The following POLR1E variants were observed in gnomAD, a reference collection of about 807,000 sequenced individuals.
POLR1E encodes DNA-directed RNA polymerase I subunit RPA49.
A neutral mutation model predicts 50.9 loss-of-function variants in POLR1E; 37 were observed. The observed-to-expected ratio is 0.73, with a 90% confidence interval of 0.56 to 0.96. The LOEUF (loss-of-function observed/expected upper bound fraction) is 0.96. Ranked by LOEUF, POLR1E falls within the 40% of genes least tolerant of loss-of-function variation. The pLI, the probability that POLR1E is intolerant of heterozygous loss-of-function variation, is 0.00. For synonymous variants in POLR1E, 166 were observed against 191.6 expected, an observed-to-expected ratio of 0.87 and a Z score of 1.10; for missense variants, 426 against 518.1, an observed-to-expected ratio of 0.82 and a Z score of 1.73.
intron 7 of POLR1E, 103 bp from the exon 8 acceptor site, chr9:37,495,787 C>G: frequency 1.2e-6 from 1 of 817,858 alleles, no homozygotes; most frequent in Non-Finnish European, 2.1e-6. Context: ...ATCTTTGGCT[C>G]TCTGAGCCTG....
At chr9:37,494,058 AATGAGCCTCCAGAGGTGGC>A (rs1250922045) in intron 6 of POLR1E, among the ~76,000 whole-genome samples, 1 of 152,212 alleles carries the variant, frequency 6.6e-6, no homozygotes, top group Non-Finnish European at 1.5e-5. Context: ...TGTTGATGGA[AATGAGCCTCCAGAGGTGGC>A]ATTTCACTTT....
At chr9:37,487,963 G>A (rs1820608887) in intron 3 of POLR1E, 24 bp downstream of exon 3, 19 of 1,611,686 alleles carry the variant, frequency 1.2e-5, no homozygotes, top group Non-Finnish European at 1.5e-5. Context: ...AAGGGACAGT[G>A]GGAAGGGTGA....
chr9:37,492,512 A>G, intron 4 of POLR1E, 145 bp from the exon 5 acceptor site: 1 of 845,132 alleles, frequency 1.2e-6, no homozygotes. Context: ...AAATATTCAC[A>G]GTATACACTC....
intron 6 of POLR1E, among the ~76,000 whole-genome samples, chr9:37,494,953 A>G (rs560603697): frequency 1.3e-5 from 2 of 152,248 alleles, no homozygotes; most frequent in East Asian, 1.9e-4. Context: ...GAATCTTGTC[A>G]CCTCCACCTT....
rs1183972896 is a variant in POLR1E at position 37,493,677 on chromosome 9, C to CTATCATTGATAGTCTTCG, written c.532_533insGTCTTCGTATCATTGATA (p.Asp177_Thr178insSerLeuArgIleIleAsp). On this transcript the variant is annotated inframe_insertion, in exon 6 of 12. Transcript: ENST00000377798. ...CGTGCAGTGGCTAAAGCTGCAGAGA[C>CTATCATTGATAGTCTTCG]TATCATTGATACGAAGGGTGTGACT... 6.3e-7 allele frequency: 1 copy of CTATCATTGATAGTCTTCG among 1,590,034 alleles called. No homozygotes were observed. Among genetic ancestry groups the CTATCATTGATAGTCTTCG allele is most frequent in the Admixed American group, 1.7e-5 (1 of 57,996 alleles).
chr9:37,501,006 T>C (rs1820878599), intron 10 of POLR1E, 85 bp downstream of exon 10: 1 of 1,313,468 alleles, frequency 7.6e-7, no homozygotes, highest in Admixed American at 1.9e-5. Flanking sequence ...TGGACTCAAT[T>C]CCATGTCCAC....
At chr9:37,501,455 G>A (rs898869281) in intron 10 of POLR1E, among the ~76,000 whole-genome samples, 9 of 152,208 alleles carry the variant, frequency 5.9e-5, no homozygotes, top group African/African-American at 9.7e-5. Flanking sequence ...AGCTCAAAGC[G>A]CTAGCAGTGC....
intron 9 of POLR1E, among the ~76,000 whole-genome samples, 153 bp downstream of exon 9, chr9:37,498,377 G>C (rs528202850): frequency 6.6e-6 from 1 of 152,086 alleles, no homozygotes; most frequent in Non-Finnish European, 1.5e-5. Context: ...CTGACATGTC[G>C]AGGGGACTTG....
intron 8 of POLR1E, 23 bp downstream of exon 8, chr9:37,496,009 G>C: frequency 6.3e-7 from 1 of 1,578,724 alleles, no homozygotes; most frequent in East Asian, 2.2e-5. Context: ...AAGCAGATGG[G>C]GATTCTGGGG....
intron 5 of POLR1E, 127 bp downstream of exon 5, chr9:37,492,842 G>A (rs565727930): frequency 1.0e-5 from 8 of 800,232 alleles, no homozygotes; most frequent in South Asian, 6.2e-5. Context: ...CATTCAGTCT[G>A]TTTCTCTGGA....
chr9:37,500,883 G>A lies in POLR1E; in HGVS notation c.930G>A (p.Leu310=), dbSNP rs1302945657. The part of the protein sequence containing the change: ...PGVPHIINTK[L]LKHFTCLTYN... ...TTCCCCACATCATCAACACCAAACT[G>A]CTGAAGCACTTTACTTGCTTGACCT... The change falls in exon 10 of 12, where the codon CTG becomes CTA. Residue 310 remains leucine (L), a synonymous_variant. Transcript: ENST00000377798. 1 of 1,613,962 alleles carries A rather than the reference G, an allele frequency of 6.2e-7. No homozygotes were observed. Among genetic ancestry groups the A allele is most frequent in the African/African-American group, 1.3e-5 (1 of 74,942 alleles).
chr9:37,486,383 C>T, intron 1 of POLR1E: 1 of 1,499,218 alleles, frequency 6.7e-7, no homozygotes, highest in Non-Finnish European at 8.9e-7. Flanking sequence ...CACCAGGTCT[C>T]CCGCCTCCCC....
At position 37,495,237 on chromosome 9, in the gene POLR1E, G is replaced by C; in HGVS notation, c.616G>C (p.Asp206His). ...DSLYLPPCYD[D>H]AAKPEDVYKF... ...CCTCTACCTTCCTCCCTGCTATGATGATGCAGCCAAGCCTGAAGACGTGTA... is the reference window on the plus strand; with the variant it reads ...CCTCTACCTTCCTCCCTGCTATGATCATGCAGCCAAGCCTGAAGACGTGTA... Residue 206 changes from aspartate (D) to histidine (H), a missense_variant, in exon 7 of 12, where the codon GAT becomes CAT. By Grantham distance (81) the Asp-to-His change is moderately conservative. Transcript: ENST00000377798. 6.2e-7 allele frequency: 1 copy of C among 1,614,156 alleles called. No individual in the cohort carries two copies. Among genetic ancestry groups the C allele is most frequent in the Non-Finnish European group, 8.5e-7 (1 of 1,179,996 alleles).
chr9:37,493,302 A>G (rs1588801775), intron 5 of POLR1E, among the ~76,000 whole-genome samples: 2 of 152,202 alleles, frequency 1.3e-5, no homozygotes, highest in East Asian at 3.9e-4. Flanking sequence ...ATGGTAAGCC[A>G]TGTGCTACAG....
intron 8 of POLR1E, among the ~76,000 whole-genome samples, chr9:37,497,154 A>G (rs7044424): frequency 0.07 from 10,643 of 152,206 alleles, 1,010 homozygotes; most frequent in African/African-American, 0.21. Context: ...TCGGGAGTTC[A>G]AGACCAGCGT....
chr9:37,492,055 A>G (rs1301473527), intron 4 of POLR1E, among the ~76,000 whole-genome samples: 1 of 152,130 alleles, frequency 6.6e-6, no homozygotes, highest in Non-Finnish European at 1.5e-5. Context: ...CTTTCCATGC[A>G]TATACCAACC....
intron 9 of POLR1E, among the ~76,000 whole-genome samples, chr9:37,498,595 G>GTA (rs1820825395): frequency 2.6e-5 from 4 of 152,218 alleles, no homozygotes; most frequent in Admixed American, 2.0e-4. Context: ...GTGTGTGTGT[G>GTA]TATATATAGA....
At chr9:37,501,512 A>G (rs1820887512) in intron 10 of POLR1E, among the ~76,000 whole-genome samples, 1 of 152,236 alleles carries the variant, frequency 6.6e-6, no homozygotes, top group East Asian at 1.9e-4. Flanking sequence ...TCAGAGGGAA[A>G]CATGGACTGG....
In POLR1E at chr9:37,501,614, C is replaced by T. The variant is rs539927898; in HGVS notation, c.969-99C>T. On this transcript the variant is annotated intron_variant, in intron 10 of 11. Coordinates refer to ENST00000377798, the MANE Select transcript of POLR1E (RefSeq NM_022490.4). ...CTTTCCTGAAGTTGGGAAGACATTC[C>T]GTGCATATGAGAATAGGATTGGATG... 3.3e-5 allele frequency: 46 copies of T among 1,397,048 alleles called. 3 individuals carry two copies. In the South Asian group the frequency reaches 3.7e-4, roughly 11 times the overall value. 86.5% of individuals were successfully genotyped at this position (1,397,048 alleles called of 1,614,324 possible).
Sources: allele counts gnomAD v4.1 joint callset (sites outside exome capture counted in the v4.1 genomes callset), GRCh38; gene constraint gnomAD v4.1.1; transcripts MANE v1.5; gene names NCBI Gene and HGNC (gene_info 2026-07-23, HGNC 2026-07-21).